The following TPR variants were observed in gnomAD, a reference collection of about 807,000 sequenced individuals.
TPR encodes translocated promoter region, nuclear basket protein.
Under a neutral mutation model 316.1 loss-of-function variants are expected in TPR, and 51 were observed. The ratio of observed to expected loss-of-function variants is 0.16; its 90% confidence interval spans 0.13 to 0.20. TPR has a LOEUF of 0.20. TPR is among the 10% of genes least tolerant of loss of function. The pLI, the probability that TPR is intolerant of heterozygous loss-of-function variation, is 1.00. For synonymous variants in TPR, 981 were observed against 914.7 expected (o/e 1.07, Z -1.31); for missense variants, 2,272 against 2,754.8 (o/e 0.82, Z 3.92).
chr1:186,351,789 T>C (rs1444415350), intron 19 of TPR, among the ~76,000 whole-genome samples, 187 bp downstream of exon 19: 1 of 152,108 alleles, frequency 6.6e-6, no homozygotes, highest in East Asian at 1.9e-4. Context: ...AATGTATGGT[T>C]TCAATCAATT....
intron 49 of TPR, 23 bp from the exon 50 acceptor site, chr1:186,314,747 A>C: frequency 6.6e-7 from 1 of 1,524,270 alleles, no homozygotes; most frequent in Non-Finnish European, 9.0e-7. Flanking sequence ...TTAAGATAAA[A>C]GAAAAGCAAG....
At chr1:186,337,762 C>A (rs1164990286) in intron 31 of TPR, among the ~76,000 whole-genome samples, 2 of 151,562 alleles carry the variant, frequency 1.3e-5, no homozygotes, top group Non-Finnish European at 2.9e-5. Flanking sequence ...TTTTAATATA[C>A]ACAATTCTAA....
At chr1:186,327,385 G>C in intron 40 of TPR, 75 bp downstream of exon 40, 1 of 1,383,334 alleles carries the variant, frequency 7.2e-7, no homozygotes, top group Middle Eastern at 1.9e-4. Flanking sequence ...TACAGCCAAT[G>C]CATTAGTATC....
chr1:186,346,394 T>G, intron 22 of TPR, 107 bp from the exon 23 acceptor site: 1 of 1,135,624 alleles, frequency 8.8e-7, no homozygotes, highest in South Asian at 2.1e-5. Flanking sequence ...AATTAATGTT[T>G]GTTGTATATT....
At position 186,351,481 on chromosome 1, in the gene TPR, G is replaced by T; in HGVS notation, c.2470-11C>A. ...TCGCTCCAGTATTCCCTAAAGCAAAGAAAAGATTTTTGGTTATGCTTAAGA... is the reference window on the plus strand; with the variant it reads ...TCGCTCCAGTATTCCCTAAAGCAAATAAAAGATTTTTGGTTATGCTTAAGA... On this transcript the variant is annotated splice_polypyrimidine_tract_variant and intron_variant, in intron 19 of 50. Coordinates refer to ENST00000367478, the MANE Select transcript of TPR (RefSeq NM_003292.3). 1 of 1,541,144 alleles carries T rather than the reference G, an allele frequency of 6.5e-7. No homozygotes were observed. Among genetic ancestry groups the T allele is most frequent in the Non-Finnish European group, 8.7e-7 (1 of 1,150,834 alleles).
At chr1:186,370,595 G>A (rs1350487073) in intron 3 of TPR, among the ~76,000 whole-genome samples, 10 of 152,020 alleles carry the variant, frequency 6.6e-5, no homozygotes, top group Admixed American at 6.5e-4. Context: ...ATAATTGCAT[G>A]CAACCACTTT....
chr1:186,338,255 G>T lies in TPR; in HGVS notation c.4152-12C>A. The T allele has an allele frequency of 6.3e-7, 1 of 1,584,026 alleles. No individual in the cohort carries two copies. Among genetic ancestry groups the T allele is most frequent in the Non-Finnish European group, 8.6e-7 (1 of 1,166,708 alleles). On this transcript the variant is annotated splice_polypyrimidine_tract_variant and intron_variant, in intron 30 of 50. Transcript: ENST00000367478. ...AAGATGCATTTGATCTTTAAAAAAT[G>T]GAGGAAAGAAGAAAGATTAAATATA...
intron 21 of TPR, among the ~76,000 whole-genome samples, chr1:186,349,754 G>A (rs896715002): frequency 1.3e-5 from 2 of 151,842 alleles, no homozygotes; most frequent in African/African-American, 4.8e-5. Context: ...TTTAAAAAGG[G>A]AAGCAAAATC....
chr1:186,368,082 T>C, intron 3 of TPR, 100 bp from the exon 4 acceptor site: 2 of 695,804 alleles, frequency 2.9e-6, no homozygotes, highest in Non-Finnish European at 4.7e-6. Context: ...GTAGTGTAAA[T>C]GACTGGCTTT....
chr1:186,350,547 G>T (rs1171747553), intron 20 of TPR, among the ~76,000 whole-genome samples, 159 bp from the exon 21 acceptor site: 1 of 152,070 alleles, frequency 6.6e-6, no homozygotes, highest in East Asian at 1.9e-4. Flanking sequence ...CAAAACACAT[G>T]AAACAACCGA....
intron 49 of TPR, among the ~76,000 whole-genome samples, chr1:186,315,224 AC>A (rs1453110702): frequency 0.035 from 5,204 of 149,750 alleles, 328 homozygotes; most frequent in African/African-American, 0.12. Flanking sequence ...AAACAAACAA[AC>A]AAACAAAAAA....
intron 49 of TPR, 21 bp downstream of exon 49, chr1:186,317,461 C>T (rs780350698): frequency 1.9e-6 from 3 of 1,578,544 alleles, no homozygotes; most frequent in South Asian, 2.2e-5. Context: ...AACTGTATTG[C>T]AGTCAAGGGC....
At position 186,374,987 on chromosome 1, in the gene TPR, C is replaced by T; in HGVS notation, c.42G>A (p.Leu14=). 6.2e-7 allele frequency: 1 copy of T among 1,614,144 alleles called. No individual in the cohort carries two copies. Among genetic ancestry groups the T allele is most frequent in the Non-Finnish European group, 8.5e-7 (1 of 1,180,014 alleles). ...TCTGGACAGACTTGGGCAGCTTGTTCAGCTCCGTGCGCTCCAGGACTTGCT... is the reference window on the plus strand; with the variant it reads ...TCTGGACAGACTTGGGCAGCTTGTTTAGCTCCGTGCGCTCCAGGACTTGCT... The part of the protein sequence containing the change: ...VLQQVLERTE[L]NKLPKSVQNK... Residue 14 remains leucine (L), a synonymous_variant, in exon 1 of 51, where the codon CTG becomes CTA. Coordinates refer to ENST00000367478, the MANE Select transcript of TPR (RefSeq NM_003292.3).
intron 29 of TPR, among the ~76,000 whole-genome samples, chr1:186,340,721 G>A (rs1483830815): frequency 6.6e-6 from 1 of 152,002 alleles, no homozygotes; most frequent in Non-Finnish European, 1.5e-5. Flanking sequence ...ATGAGCCACC[G>A]TGTCTGGCCT....
In TPR at chr1:186,333,264, C is replaced by T; in HGVS notation, c.5313G>A (p.Gln1771=). The part of the protein sequence containing the change: ...QPILTVQQQT[Q]ATAFVQPTQQ... Reference sequence around the variant, plus strand: ...GAGTGGGTTGCACAAAAGCTGTAGCCTGTGTTTGTTGCTGAACAGTTAAAA... The same window carrying T: ...GAGTGGGTTGCACAAAAGCTGTAGCTTGTGTTTGTTGCTGAACAGTTAAAA... Residue 1771 remains glutamine, a synonymous_variant, in exon 37 of 51, where the codon CAG becomes CAA. Coordinates refer to ENST00000367478, the MANE Select transcript of TPR (RefSeq NM_003292.3). The T allele has an allele frequency of 6.2e-7, 1 of 1,613,690 alleles. No individual in the cohort carries two copies. Among genetic ancestry groups the T allele is most frequent in the Non-Finnish European group, 8.5e-7 (1 of 1,179,708 alleles).
intron 31 of TPR, among the ~76,000 whole-genome samples, chr1:186,337,585 C>A (rs749002122): frequency 1.3e-5 from 2 of 151,930 alleles, no homozygotes; most frequent in East Asian, 3.9e-4. Context: ...TCTAATCCAA[C>A]ATGAAATAAA....
At chr1:186,340,210 C>T (rs1023687182) in intron 29 of TPR, among the ~76,000 whole-genome samples, 2 of 152,074 alleles carry the variant, frequency 1.3e-5, no homozygotes, top group Non-Finnish European at 2.9e-5. Flanking sequence ...AAATTTTTAT[C>T]ACACGAAAGG....
intron 17 of TPR, among the ~76,000 whole-genome samples, chr1:186,354,630 CAAACT>C (rs1374452132): frequency 3.9e-5 from 6 of 152,088 alleles, no homozygotes; most frequent in Non-Finnish European, 7.4e-5. Context: ...ATTGTCCTAA[CAAACT>C]AAACTAACAA....
Position 186,345,635 on chromosome 1 carries a change from C to T in TPR, c.3158G>A (p.Arg1053Lys), listed in dbSNP as rs781044687. ...CTCATTACTTAAAGCTGTGCTTGCTCTCTGAAGAGCTTCTTGTACTTCATT... is the reference window on the plus strand; with the variant it reads ...CTCATTACTTAAAGCTGTGCTTGCTTTCTGAAGAGCTTCTTGTACTTCATT... ...VQNEVQEALQRASTALSNEQQ... is the reference protein window; with the variant it reads ...VQNEVQEALQKASTALSNEQQ... The change falls in exon 24 of 51, where the codon AGA becomes AAA. Residue 1053 changes from arginine to lysine, a missense_variant. Coordinates refer to ENST00000367478, the MANE Select transcript of TPR (RefSeq NM_003292.3). The T allele has an allele frequency of 6.2e-7, 1 of 1,613,598 alleles. No individual in the cohort carries two copies.
Sources: gnomAD v4.1 joint callset for allele counts (sites outside exome capture counted in the v4.1 genomes callset) on GRCh38, gnomAD v4.1.1 for gene constraint, MANE v1.5 for transcripts, NCBI Gene and HGNC (gene_info 2026-07-23, HGNC 2026-07-21) for gene names.